Variants in GLRB observed in about 807,000 individuals in gnomAD.
GLRB encodes glycine receptor subunit beta.
A neutral mutation model predicts 54.2 loss-of-function variants in GLRB; 33 were observed. The ratio of observed to expected loss-of-function variants is 0.61; its 90% CI spans 0.46 to 0.81. GLRB has a LOEUF of 0.81. Among genes scored for constraint, GLRB ranks in the 40% least tolerant of loss-of-function variants. GLRB has a pLI of 0.00. For missense variants in GLRB, 572 were observed against 584.6 expected (o/e 0.98, Z 0.22); for synonymous variants, 209 against 208.2 (o/e 1.00, Z -0.03).
At chr4:157,096,814 A>G (rs969964680) in intron 2 of GLRB, among the ~76,000 whole-genome samples, 2 of 152,224 alleles carry the variant, frequency 1.3e-5, no homozygotes, top group African/African-American at 4.8e-5. Flanking sequence ...GAAACAGGTT[A>G]CATAGCAGGG....
intron 2 of GLRB, among the ~76,000 whole-genome samples, chr4:157,094,770 G>T (rs1734743264): frequency 6.6e-6 from 1 of 152,122 alleles, no homozygotes; most frequent in African/African-American, 2.4e-5. Flanking sequence ...AGTTCAAAAT[G>T]GCATAAGCAT....
intron 7 of GLRB, among the ~76,000 whole-genome samples, chr4:157,140,026 G>A (rs984908683): frequency 1.3e-5 from 2 of 151,888 alleles, no homozygotes; most frequent in Non-Finnish European, 2.9e-5. Context: ...ACAATGCTAG[G>A]CAGCTTGGGG....
At chr4:157,126,616 T>C (rs1736023393) in intron 4 of GLRB, among the ~76,000 whole-genome samples, 1 of 151,894 alleles carries the variant, frequency 6.6e-6, no homozygotes. Context: ...TTGTGACAAC[T>C]GAAATAAGAG....
chr4:157,100,482 C>T (rs568048512), intron 2 of GLRB, among the ~76,000 whole-genome samples: 2 of 152,164 alleles, frequency 1.3e-5, no homozygotes, highest in South Asian at 2.1e-4. Flanking sequence ...TCCCCTATTA[C>T]TAAGGCTGAA....
intron 9 of GLRB, among the ~76,000 whole-genome samples, chr4:157,163,356 G>A (rs766553466): frequency 1.6e-4 from 24 of 152,050 alleles, no homozygotes; most frequent in Non-Finnish European, 3.4e-4. Context: ...GATGAACCCG[G>A]TACCTCAGTT....
intron 8 of GLRB, among the ~76,000 whole-genome samples, chr4:157,145,819 T>C (rs1736786128): frequency 6.6e-6 from 1 of 151,932 alleles, no homozygotes; most frequent in African/African-American, 2.4e-5. Context: ...AAATGAGTCA[T>C]TTCTAGGACA....
chr4:157,152,750 T>C lies in GLRB; in HGVS notation c.937T>C (p.Cys313Arg), dbSNP rs762044849. ...CTCAGTCCTCAGCTTGGCCTCTGAGTGCACAACCCTTGCCGCTGAGCTTCC... is the reference window on the plus strand; with the variant it reads ...CTCAGTCCTCAGCTTGGCCTCTGAGCGCACAACCCTTGCCGCTGAGCTTCC... ...IFSVLSLASECTTLAAELPKV... is the reference protein window; with the variant it reads ...IFSVLSLASERTTLAAELPKV... The change falls in exon 9 of 10, where the codon TGC becomes CGC. Residue 313 changes from cysteine to arginine, a missense_variant. Coordinates refer to ENST00000264428, the MANE Select transcript of GLRB (RefSeq NM_000824.5). The C allele has an allele frequency of 1.2e-6, 2 of 1,613,764 alleles. No homozygotes were observed. The highest frequency in any genetic ancestry group is 1.7e-6 in the Non-Finnish European group (2 of 1,179,740).
At chr4:157,154,094 G>A (rs1737131222) in intron 9 of GLRB, among the ~76,000 whole-genome samples, 1 of 152,146 alleles carries the variant, frequency 6.6e-6, no homozygotes, top group African/African-American at 2.4e-5. Flanking sequence ...GGCTTCTTGA[G>A]GCCTTAGAAC....
intron 7 of GLRB, 100 bp downstream of exon 7, chr4:157,139,049 A>G: frequency 1.5e-6 from 1 of 670,672 alleles, no homozygotes; most frequent in Non-Finnish European, 2.7e-6. Context: ...GCCAAAACTT[A>G]AAATTAAATT....
In GLRB at chr4:157,082,989, T is replaced by TATATATAC. The variant is rs1491140351; in HGVS notation, c.122+4844_122+4845insTATATACA. On this transcript the variant is annotated intron_variant, in intron 2 of 9. Coordinates refer to ENST00000264428, the MANE Select transcript of GLRB (RefSeq NM_000824.5). ...TTATATATATATATATATATATATATACACACATACTTACAATTTAGTATT... is the reference window on the plus strand; with the variant it reads ...TTATATATATATATATATATATATATATATATACACACACATACTTACAATTTAGTATT... 7.7e-5 allele frequency among the ~76,000 whole-genome samples: 11 copies of TATATATAC among 142,750 alleles called. No homozygotes were observed. The East Asian group carries it at 1.3e-3, about 16-fold the overall frequency. The allele number at this position is 142,750 out of a possible 152,430, so 93.6% of individuals were successfully genotyped here. A position where few individuals can be genotyped will look rare whatever the true frequency, so the allele number is the denominator to read the frequency against.
chr4:157,081,173 A>G (rs1325276321), intron 2 of GLRB, among the ~76,000 whole-genome samples: 1 of 152,188 alleles, frequency 6.6e-6, no homozygotes, highest in Non-Finnish European at 1.5e-5. Context: ...ATACACTTTA[A>G]ATTAATAAAA....
At chr4:157,130,517 A>AT (rs1368371552) in intron 4 of GLRB, among the ~76,000 whole-genome samples, 6 of 151,314 alleles carry the variant, frequency 4.0e-5, no homozygotes, top group African/African-American at 1.5e-4. Flanking sequence ...CTTAGTCTTG[A>AT]TATTTTTTTG....
chr4:157,083,739 A>G (rs181636397), intron 2 of GLRB, among the ~76,000 whole-genome samples: 3 of 152,294 alleles, frequency 2.0e-5, no homozygotes, highest in Admixed American at 1.3e-4. Flanking sequence ...GCTCTAGTAC[A>G]TAAGATAAAT....
intron 2 of GLRB, among the ~76,000 whole-genome samples, chr4:157,084,967 T>C (rs928906212): frequency 6.6e-6 from 1 of 152,248 alleles, no homozygotes; most frequent in Non-Finnish European, 1.5e-5. Context: ...AAATGGATAC[T>C]ATTGAAAATT....
At chr4:157,098,085 T>C (rs955510211) in intron 2 of GLRB, among the ~76,000 whole-genome samples, 6 of 152,156 alleles carry the variant, frequency 3.9e-5, no homozygotes, top group Non-Finnish European at 8.8e-5. Flanking sequence ...CAAGTGTTAA[T>C]TACTGTTCTC....
In GLRB at chr4:157,136,846, T is replaced by A; in HGVS notation, c.570T>A (p.Phe190Leu). 1.2e-6 allele frequency: 2 copies of A among 1,610,940 alleles called. No homozygotes were observed. The highest frequency in any genetic ancestry group is 1.7e-6 in the Non-Finnish European group (2 of 1,177,130). ...CATGCCCTTTGGACTTGACATTGTT[T>A]CCCATGGATACACAACGTTGCAAGA... is the stretch of plus-strand genomic sequence containing the variant. ...TLSCPLDLTL[F>L]PMDTQRCKMQ... is the part of the protein sequence containing the mutation. Residue 190 changes from phenylalanine to leucine, a missense_variant, in exon 6 of 10, where the codon TTT becomes TTA. By Grantham distance (22) the Phe-to-Leu change is conservative (BLOSUM62 0). Transcript: ENST00000264428.
chr4:157,136,239 C>A, intron 4 of GLRB: 1 of 509,820 alleles, frequency 2.0e-6, no homozygotes, highest in Non-Finnish European at 3.5e-6. Flanking sequence ...GATGTTTGAG[C>A]TAGCAAGTGC....
chr4:157,084,685 G>A (rs1734343394), intron 2 of GLRB: 5 of 455,980 alleles, frequency 1.1e-5, no homozygotes, highest in Non-Finnish European at 2.2e-5. Context: ...ACCATTGAAT[G>A]ACAGCATTTT....
At chr4:157,103,036 G>A (rs1482909880) in intron 2 of GLRB, among the ~76,000 whole-genome samples, 3 of 151,786 alleles carry the variant, frequency 2.0e-5, no homozygotes, top group Non-Finnish European at 4.4e-5. Flanking sequence ...CTGTAGTCCC[G>A]GCTACTCAGG....
Sources: allele counts gnomAD v4.1 joint callset (sites outside exome capture counted in the v4.1 genomes callset), GRCh38; gene constraint gnomAD v4.1.1; transcripts MANE v1.5; gene names NCBI Gene and HGNC (gene_info 2026-07-23, HGNC 2026-07-21).